SIPA1L1: variants seen among roughly 807,000 people sequenced by gnomAD.
SIPA1L1 encodes signal induced proliferation associated 1 like 1.
A neutral mutation model predicts 162.7 loss-of-function variants in SIPA1L1; 26 were observed. The observed-to-expected ratio is 0.16, with a 90% CI of 0.12 to 0.22. The LOEUF is 0.22. SIPA1L1 is among the 10% of genes least tolerant of loss of function. SIPA1L1 has a pLI of 1.00. For synonymous variants in SIPA1L1, 829 were observed against 837.4 expected, an observed-to-expected ratio of 0.99 and a Z score of 0.17; for missense variants, 1,874 against 2,241.0, an observed-to-expected ratio of 0.84 and a Z score of 3.31.
chr14:71,396,812 G>C (rs1410787366), intron 2 of SIPA1L1, among the ~76,000 whole-genome samples: 2 of 152,090 alleles, frequency 1.3e-5, no homozygotes. Context: ...ATGAGTTAAT[G>C]CTAAAACTCA....
intron 2 of SIPA1L1, among the ~76,000 whole-genome samples, chr14:71,380,895 T>C (rs779676476): frequency 1.3e-5 from 2 of 152,164 alleles, no homozygotes; most frequent in Non-Finnish European, 2.9e-5. Context: ...ATGCTGCCCA[T>C]GTAAGCCTCT....
chr14:71,703,811 G>A (rs1191375849), intron 15 of SIPA1L1, among the ~76,000 whole-genome samples: 1 of 152,122 alleles, frequency 6.6e-6, no homozygotes, highest in Non-Finnish European at 1.5e-5. Flanking sequence ...GGAGTGAGAA[G>A]GGATGGAAAG....
intron 5 of SIPA1L1, among the ~76,000 whole-genome samples, chr14:71,603,295 A>T (rs1319782071): frequency 2.0e-5 from 3 of 151,952 alleles, no homozygotes; most frequent in African/African-American, 4.8e-5. Context: ...TTTTTTTTCA[A>T]ATCAGCCGAT....
intron 10 of SIPA1L1, among the ~76,000 whole-genome samples, chr14:71,663,163 G>A (rs2043687897): frequency 6.6e-6 from 1 of 152,066 alleles, no homozygotes; most frequent in Non-Finnish European, 1.5e-5. Context: ...AATTAATGTT[G>A]ACACTGTTTT....
At chr14:71,345,847 C>T (rs1461686516) in intron 2 of SIPA1L1, among the ~76,000 whole-genome samples, 4 of 151,344 alleles carry the variant, frequency 2.6e-5, no homozygotes, top group South Asian at 2.1e-4. Flanking sequence ...GGATTACAGG[C>T]GTGAGCCACT....
At chr14:71,409,619 T>C (rs371439673) in intron 2 of SIPA1L1, among the ~76,000 whole-genome samples, 1 of 152,140 alleles carries the variant, frequency 6.6e-6, no homozygotes, top group African/African-American at 2.4e-5. Context: ...TCAAATCTGG[T>C]CTGTAAAGTA....
chr14:71,725,308 C>T (rs182389618), intron 19 of SIPA1L1, among the ~76,000 whole-genome samples: 124 of 152,364 alleles, frequency 8.1e-4, no homozygotes, highest in South Asian at 1.9e-3. Flanking sequence ...TCTCTTCACT[C>T]AGAGAAACTG....
intron 22 of SIPA1L1, among the ~76,000 whole-genome samples, chr14:71,737,406 A>C (rs1201999222): frequency 1.3e-5 from 2 of 152,108 alleles, no homozygotes; most frequent in African/African-American, 4.8e-5. Flanking sequence ...TGTGCCCCTG[A>C]GGATGTATAG....
intron 4 of SIPA1L1, among the ~76,000 whole-genome samples, chr14:71,533,418 G>C (rs1480919927): frequency 6.6e-6 from 1 of 152,068 alleles, no homozygotes; most frequent in Non-Finnish European, 1.5e-5. Context: ...GCTCTAAAAA[G>C]GACAAGCAGA....
In SIPA1L1 at chr14:71,738,898, T is replaced by A. The variant is rs897400798; in HGVS notation, c.5209-120T>A. On this transcript the variant is annotated intron_variant, in intron 23 of 23. Transcript: ENST00000381232. ...ATACCAGTCCGTTTAGACAGGTGTT[T>A]GGAGGAACGAAGAATAGAAATGGAC... is the stretch of plus-strand genomic sequence containing the variant. The A allele has an allele frequency of 6.7e-6, 8 of 1,190,918 alleles. No homozygotes were observed. The African/African-American group carries it at 1.2e-4, about 18-fold the overall frequency. The allele number at this position is 1,190,918 out of a possible 1,614,324, so 73.8% of individuals were successfully genotyped here.
intron 2 of SIPA1L1, among the ~76,000 whole-genome samples, chr14:71,339,150 C>T (rs2035389235): frequency 6.6e-6 from 1 of 152,082 alleles, no homozygotes; most frequent in South Asian, 2.1e-4. Flanking sequence ...AGAGCTGAAA[C>T]CATGTGATTT....
At chr14:71,553,895 A>G (rs887315935) in intron 4 of SIPA1L1, among the ~76,000 whole-genome samples, 1 of 152,194 alleles carries the variant, frequency 6.6e-6, no homozygotes, top group Non-Finnish European at 1.5e-5. Context: ...AGTGTTTTGT[A>G]TAAAGTAACT....
intron 12 of SIPA1L1, among the ~76,000 whole-genome samples, chr14:71,674,253 G>A (rs146534838): frequency 9.9e-5 from 15 of 152,208 alleles, no homozygotes; most frequent in Admixed American, 3.9e-4. Context: ...GTTTATATGC[G>A]GGAAAGGAGA....
intron 2 of SIPA1L1, among the ~76,000 whole-genome samples, chr14:71,512,005 A>C (rs1171669335): frequency 6.6e-6 from 1 of 152,226 alleles, no homozygotes. Context: ...ACTGGCGAAC[A>C]GAAGTACCTG....
chr14:71,548,509 G>C (rs1373025702), intron 4 of SIPA1L1, among the ~76,000 whole-genome samples: 1 of 151,954 alleles, frequency 6.6e-6, no homozygotes, highest in Non-Finnish European at 1.5e-5. Context: ...TATCAACTTT[G>C]AATCAACAGA....
intron 7 of SIPA1L1, among the ~76,000 whole-genome samples, chr14:71,629,414 A>G (rs577197664): frequency 2.6e-5 from 4 of 152,314 alleles, no homozygotes; most frequent in African/African-American, 9.6e-5. Context: ...CTGGTCTTGA[A>G]TCCAGGCACT....
intron 4 of SIPA1L1, among the ~76,000 whole-genome samples, chr14:71,563,805 T>G (rs188576745): frequency 9.9e-4 from 151 of 152,340 alleles, no homozygotes; most frequent in African/African-American, 3.2e-3. Flanking sequence ...TCCAGCAATC[T>G]TAGGCAGTGG....
At chr14:71,623,288 C>A (rs2039636642) in intron 6 of SIPA1L1, among the ~76,000 whole-genome samples, 1 of 152,200 alleles carries the variant, frequency 6.6e-6, no homozygotes, top group South Asian at 2.1e-4. Context: ...GTTTTCTCTT[C>A]TTTCCCCATG....
intron 2 of SIPA1L1, among the ~76,000 whole-genome samples, chr14:71,417,600 TGAG>T (rs981033353): frequency 5.0e-4 from 75 of 149,050 alleles, no homozygotes; most frequent in Non-Finnish European, 8.0e-4. Context: ...GGTAAGCTGA[TGAG>T]GAGGAGGGAA....
Sources: gnomAD v4.1 joint callset for allele counts (sites outside exome capture counted in the v4.1 genomes callset) on GRCh38, gnomAD v4.1.1 for gene constraint, MANE v1.5 for transcripts, NCBI Gene and HGNC (gene_info 2026-07-23, HGNC 2026-07-21) for gene names.